Variants in PCNX1 observed in about 807,000 individuals in gnomAD.
The protein encoded by PCNX1 is pecanex-like protein 1.
In PCNX1, 78 loss-of-function variants were observed where a neutral mutation model predicts 242.2. That is an observed-to-expected ratio of 0.32 (90% CI 0.27 to 0.39). PCNX1 has a LOEUF of 0.39. PCNX1 is among the 10% of genes least tolerant of loss of function. The pLI is 1.00. For synonymous variants in PCNX1, 1,024 were observed against 1,032.9 expected, an observed-to-expected ratio of 0.99 and a Z score of 0.17; for missense variants, 2,581 against 2,856.5, an observed-to-expected ratio of 0.90 and a Z score of 2.20.
chr14:71,022,716 A>G (rs1297132991), intron 12 of PCNX1, among the ~76,000 whole-genome samples: 6 of 152,224 alleles, frequency 3.9e-5, no homozygotes, highest in East Asian at 1.9e-4. Flanking sequence ...ATGAAAATGC[A>G]GATAATATCT....
At chr14:70,948,059 T>C (rs1445861248) in intron 2 of PCNX1, among the ~76,000 whole-genome samples, 2 of 152,196 alleles carry the variant, frequency 1.3e-5, no homozygotes, top group African/African-American at 2.4e-5. Flanking sequence ...TCTTGAACCC[T>C]GTTTCCTGTT....
At chr14:70,976,719 T>C (rs2058702097) in intron 5 of PCNX1, among the ~76,000 whole-genome samples, 1 of 152,146 alleles carries the variant, frequency 6.6e-6, no homozygotes, top group Non-Finnish European at 1.5e-5. Flanking sequence ...TACAACTCTT[T>C]CTGAGGCCAG....
chr14:71,110,156 C>T lies in PCNX1; in HGVS notation c.*221C>T. The T allele has an allele frequency of 1.7e-6, 1 of 599,400 alleles. No homozygotes were observed. The highest frequency in any genetic ancestry group is 3.0e-6 in the Non-Finnish European group (1 of 331,062). The allele number at this position is 599,400 out of a possible 1,614,324, so 37.1% of individuals were successfully genotyped here. On this transcript the variant is annotated 3_prime_UTR_variant, in exon 36 of 36. Transcript: ENST00000304743. ...AAGCTGAAATATTTTTTTAAGTTAG[C>T]TGCCGAGAAAACATTTTGCATGAAG...
chr14:70,935,640 A>G (rs1423609495), intron 1 of PCNX1, among the ~76,000 whole-genome samples: 1 of 152,222 alleles, frequency 6.6e-6, no homozygotes, highest in African/African-American at 2.4e-5. Context: ...AACACTGAGT[A>G]ATAATGTTGG....
chr14:70,994,816 T>G (rs2059300004), intron 7 of PCNX1, among the ~76,000 whole-genome samples: 1 of 152,056 alleles, frequency 6.6e-6, no homozygotes. Flanking sequence ...TATGAAAGTA[T>G]AAAATAAGTT....
rs1490495291 is a variant in PCNX1 at position 71,075,640 on chromosome 14, C to T, written c.5107-549C>T. ...GGCCAGGCGCAGTGGCTGATACCTG[C>T]AATCCCAGCACTTTGGGAGGCCGAG... On this transcript the variant is annotated intron_variant, in intron 27 of 35. Transcript: ENST00000304743. Among the ~76,000 whole-genome samples the T allele has an allele frequency of 4.6e-5, 7 of 152,186 alleles. No homozygotes were observed. In the East Asian group the frequency reaches 1.4e-3, roughly 29 times the overall value.
chr14:71,056,684 CT>C (rs555946611), intron 25 of PCNX1, among the ~76,000 whole-genome samples: 72 of 145,320 alleles, frequency 5.0e-4, no homozygotes, highest in Non-Finnish European at 4.4e-4. Flanking sequence ...CTTTCTTTTT[CT>C]TTTTTTTTTT....
At chr14:71,106,816 G>C (rs762981147) in intron 33 of PCNX1, among the ~76,000 whole-genome samples, 1 of 152,000 alleles carries the variant, frequency 6.6e-6, no homozygotes, top group African/African-American at 2.4e-5. Flanking sequence ...TTACTGATTT[G>C]TGTTTTATAT....
Position 71,040,343 on chromosome 14 carries a change from G to C in PCNX1, c.3867+4186G>C, listed in dbSNP as rs370504884. On this transcript the variant is annotated intron_variant, in intron 19 of 35. Coordinates refer to ENST00000304743, the MANE Select transcript of PCNX1 (RefSeq NM_014982.3). ...TTTATTGCTTCTGACTGAATTTATT[G>C]CTATGTAGATAACTTTTTTTCTGTA... Among the ~76,000 whole-genome samples the C allele has an allele frequency of 3.6e-3, 549 of 152,146 alleles. 1 individual carries two copies. The highest frequency in any genetic ancestry group is 0.013 in the African/African-American group (532 of 41,490).
At chr14:71,011,110 T>C (rs1020986133) in intron 9 of PCNX1, among the ~76,000 whole-genome samples, 3 of 152,158 alleles carry the variant, frequency 2.0e-5, no homozygotes, top group South Asian at 2.1e-4. Context: ...AACTGACTTA[T>C]GTTGTAGGTT....
At chr14:70,923,409 A>T (rs993243030) in intron 1 of PCNX1, among the ~76,000 whole-genome samples, 3 of 152,172 alleles carry the variant, frequency 2.0e-5, no homozygotes, top group African/African-American at 4.8e-5. Flanking sequence ...AGATTTTTTT[A>T]AAATTCATGT....
chr14:70,933,563 T>A (rs2056884648), intron 1 of PCNX1, among the ~76,000 whole-genome samples: 1 of 152,234 alleles, frequency 6.6e-6, no homozygotes, highest in African/African-American at 2.4e-5. Flanking sequence ...TCTTTTATGC[T>A]ATAACAGTAG....
chr14:70,975,355 T>C (rs558436390), intron 5 of PCNX1, among the ~76,000 whole-genome samples: 28 of 152,318 alleles, frequency 1.8e-4, no homozygotes, highest in Non-Finnish European at 3.2e-4. Flanking sequence ...GTTTTACTTA[T>C]CTTGAAAACT....
chr14:71,039,060 TG>T (rs1477159845), intron 19 of PCNX1, among the ~76,000 whole-genome samples: 1 of 150,738 alleles, frequency 6.6e-6, no homozygotes, highest in African/African-American at 2.5e-5. Flanking sequence ...CATCACACTC[TG>T]GGGACTGTTG....
At chr14:70,996,893 A>G (rs2059369023) in intron 8 of PCNX1, among the ~76,000 whole-genome samples, 1 of 152,054 alleles carries the variant, frequency 6.6e-6, no homozygotes, top group South Asian at 2.1e-4. Context: ...TCTTTTTTCT[A>G]TTTTGTAAAA....
At chr14:70,933,525 A>G (rs1422791367) in intron 1 of PCNX1, among the ~76,000 whole-genome samples, 2 of 152,240 alleles carry the variant, frequency 1.3e-5, no homozygotes, top group Non-Finnish European at 2.9e-5. Flanking sequence ...GGAACATAGC[A>G]TGTTTATTTG....
At position 71,076,425 on chromosome 14, in the gene PCNX1, G is replaced by A. The variant is rs745557921; in HGVS notation, c.5337+6G>A. 1.4e-5 allele frequency: 22 copies of A among 1,552,540 alleles called. No individual in the cohort carries two copies. Among genetic ancestry groups the A allele is most frequent in the Middle Eastern group, 1.7e-4 (1 of 5,954 alleles). ...GCTCTTCCCGAAGAGCAAAGGTAGAGTTTATTTCATTTATAACTCTTTGAA... is the reference window on the plus strand; with the variant it reads ...GCTCTTCCCGAAGAGCAAAGGTAGAATTTATTTCATTTATAACTCTTTGAA... On this transcript the variant is annotated splice_donor_region_variant and intron_variant, in intron 28 of 35. Coordinates refer to ENST00000304743, the MANE Select transcript of PCNX1 (RefSeq NM_014982.3).
In PCNX1 at chr14:71,018,913, C is replaced by T. The variant is rs886665254; in HGVS notation, c.2997-96C>T. 3.8e-6 allele frequency: 4 copies of T among 1,039,210 alleles called. No individual in the cohort carries two copies. In the Admixed American group the frequency reaches 6.9e-5, roughly 18 times the overall value. The allele number at this position is 1,039,210 out of a possible 1,614,324, so 64.4% of individuals were successfully genotyped here. Reference sequence around the variant, plus strand: ...GTACCAAAAAGACATCTTGGCATACCATGAACTTCATATTTATGTCTTCCC... The same window carrying T: ...GTACCAAAAAGACATCTTGGCATACTATGAACTTCATATTTATGTCTTCCC... On this transcript the variant is annotated intron_variant, in intron 11 of 35. Transcript: ENST00000304743.
At chr14:71,052,253 C>G (rs963945773) in intron 24 of PCNX1, among the ~76,000 whole-genome samples, 11 of 151,210 alleles carry the variant, frequency 7.3e-5, no homozygotes, top group African/African-American at 2.7e-4. Context: ...ATTCTGTTGC[C>G]CAGGCTGGAG....
Sources: gnomAD v4.1 joint callset for allele counts (sites outside exome capture counted in the v4.1 genomes callset) on GRCh38, gnomAD v4.1.1 for gene constraint, MANE v1.5 for transcripts, NCBI Gene and HGNC (gene_info 2026-07-23, HGNC 2026-07-21) for gene names.